THSD4: variants seen among roughly 807,000 people sequenced by gnomAD.
THSD4 encodes thrombospondin type-1 domain-containing protein 4.
THSD4 carries 69 observed loss-of-function variants against 119.0 expected under a neutral mutation model. That is an observed-to-expected ratio of 0.58 (90% CI 0.48 to 0.71). The LOEUF is 0.71. Among genes scored for constraint, THSD4 ranks in the 30% least tolerant of loss-of-function variants. THSD4 has a pLI of 0.00. For missense variants in THSD4, 1,393 were observed against 1,391.1 expected (o/e 1.00, Z -0.02); for synonymous variants, 524 against 540.4 (o/e 0.97, Z 0.42).
At chr15:71,455,959 C>T (rs994670553) in intron 7 of THSD4, among the ~76,000 whole-genome samples, 1 of 152,136 alleles carries the variant, frequency 6.6e-6, no homozygotes, top group South Asian at 2.1e-4. Flanking sequence ...TGAGCCTGTC[C>T]GAAAGTCAGG....
At chr15:71,226,043 G>T (rs892956550) in intron 4 of THSD4, among the ~76,000 whole-genome samples, 2 of 151,926 alleles carry the variant, frequency 1.3e-5, no homozygotes, top group Non-Finnish European at 2.9e-5. Flanking sequence ...TTCGTGCCTT[G>T]TAGAAACCCC....
At chr15:71,614,280 C>T (rs745864560) in intron 7 of THSD4, among the ~76,000 whole-genome samples, 4 of 152,202 alleles carry the variant, frequency 2.6e-5, no homozygotes, top group South Asian at 2.1e-4. Flanking sequence ...AGCCTGGATT[C>T]GGCCACCATT....
intron 7 of THSD4, among the ~76,000 whole-genome samples, chr15:71,533,010 A>ATG (rs2048638513): frequency 6.6e-6 from 1 of 152,198 alleles, no homozygotes; most frequent in Non-Finnish European, 1.5e-5. Flanking sequence ...TTCACTTGCC[A>ATG]TGTGTGTGCC....
chr15:71,635,180 G>A (rs1273848994), intron 7 of THSD4, among the ~76,000 whole-genome samples: 1 of 152,152 alleles, frequency 6.6e-6, no homozygotes, highest in African/African-American at 2.4e-5. Flanking sequence ...GGGAATGTAG[G>A]ACTTCATTTT....
In THSD4 at chr15:71,661,259, C is replaced by T. The variant is rs1281355972; in HGVS notation, c.1357+525C>T. On this transcript the variant is annotated intron_variant, in intron 8 of 17. Transcript: ENST00000261862. ...GGAATCCTCCAGCAATCATTTTGGG[C>T]AACATCATCAATACTGAGAGGCCAA... Among the ~76,000 whole-genome samples the T allele has an allele frequency of 2.0e-5, 3 of 152,286 alleles. No individual in the cohort carries two copies. The East Asian group carries it at 5.8e-4, about 29-fold the overall frequency.
chr15:71,565,855 G>A (rs1289593898), intron 7 of THSD4, among the ~76,000 whole-genome samples: 1 of 152,190 alleles, frequency 6.6e-6, no homozygotes, highest in Non-Finnish European at 1.5e-5. Flanking sequence ...AATCATTAAG[G>A]GTTAGAGGCT....
intron 8 of THSD4, among the ~76,000 whole-genome samples, chr15:71,677,151 A>G (rs1330095099): frequency 2.6e-5 from 4 of 152,224 alleles, no homozygotes; most frequent in African/African-American, 4.8e-5. Context: ...ATAGGCACCA[A>G]TGGTCAGCTC....
chr15:71,403,398 A>G (rs918063638), intron 6 of THSD4, among the ~76,000 whole-genome samples: 1 of 152,242 alleles, frequency 6.6e-6, no homozygotes, highest in African/African-American at 2.4e-5. Flanking sequence ...TTGTTCAGCC[A>G]TCAAAGTTAT....
chr15:71,385,372 T>C (rs2140459028), intron 6 of THSD4, among the ~76,000 whole-genome samples: 1 of 152,320 alleles, frequency 6.6e-6, no homozygotes, highest in South Asian at 2.1e-4. Flanking sequence ...CTTGTGACAC[T>C]AATCTCTTAA....
rs564625397 is a variant in THSD4 at position 71,736,600 on chromosome 15, G to T, written c.1631-1132G>T. Among the ~76,000 whole-genome samples, 20 of 145,280 alleles carry T rather than the reference G, an allele frequency of 1.4e-4. No homozygotes were observed. The East Asian group carries it at 3.8e-3, about 27-fold the overall frequency. On this transcript the variant is annotated intron_variant, in intron 10 of 17. Coordinates refer to ENST00000261862, the MANE Select transcript of THSD4 (RefSeq NM_024817.3). ...GTTTCTCTGTCTCTCTTGCTCTCTT[G>T]GTCTCTGTCTCTGTCTCTCTGTCTC...
chr15:71,562,901 G>A (rs539675918), intron 7 of THSD4, among the ~76,000 whole-genome samples: 2 of 151,858 alleles, frequency 1.3e-5, no homozygotes, highest in South Asian at 2.1e-4. Context: ...ACGGGGTTTC[G>A]CCATGTTAGC....
At chr15:71,626,534 A>G (rs966607317) in intron 7 of THSD4, among the ~76,000 whole-genome samples, 2 of 152,186 alleles carry the variant, frequency 1.3e-5, no homozygotes, top group African/African-American at 4.8e-5. Context: ...CTAAATATGC[A>G]TTGAACTTTA....
chr15:71,367,388 G>C (rs140851545), intron 6 of THSD4, among the ~76,000 whole-genome samples: 1 of 152,178 alleles, frequency 6.6e-6, no homozygotes, highest in East Asian at 1.9e-4. Context: ...GGTGTGCTGC[G>C]CACATTAACT....
rs1195413080 is a variant in THSD4 at position 71,442,579 on chromosome 15, A to AAAAAAATATATATAT, written c.1152+30757_1152+30758insAAAAATATATATATA. Among the ~76,000 whole-genome samples the AAAAAAATATATATAT allele has an allele frequency of 7.5e-4, 30 of 39,854 alleles. 1 individual carries two copies. Among genetic ancestry groups the AAAAAAATATATATAT allele is most frequent in the African/African-American group, 2.1e-3 (29 of 13,608 alleles). 26.1% of individuals were successfully genotyped at this position (39,854 alleles called of 152,430 possible). On this transcript the variant is annotated intron_variant, in intron 7 of 17. Transcript: ENST00000261862. Reference sequence around the variant, plus strand: ...GCAAAACTCCATCTCAAAAAAAAAAAATATATATATATATATATATATGTG... The same window carrying AAAAAAATATATATAT: ...GCAAAACTCCATCTCAAAAAAAAAAAAAAAAATATATATATATATATATATATATATATATATGTG...
intron 6 of THSD4, among the ~76,000 whole-genome samples, chr15:71,303,690 A>T (rs935121123): frequency 8.5e-5 from 13 of 152,100 alleles, no homozygotes; most frequent in African/African-American, 3.1e-4. Context: ...GTACCTCCTT[A>T]TAAACTGGGC....
At chr15:71,502,636 A>G (rs2048128496) in intron 7 of THSD4, among the ~76,000 whole-genome samples, 1 of 152,234 alleles carries the variant, frequency 6.6e-6, no homozygotes, top group African/African-American at 2.4e-5. Flanking sequence ...GCATTGGAAC[A>G]TAAAAGACGC....
At chr15:71,451,462 C>T (rs552726500) in intron 7 of THSD4, among the ~76,000 whole-genome samples, 6 of 152,170 alleles carry the variant, frequency 3.9e-5, no homozygotes, top group South Asian at 2.1e-4. Flanking sequence ...CGTCTTTAGG[C>T]GGATAAGGAA....
upstream of THSD4, chr15:71,113,649 G>T (rs1869872130): frequency 6.6e-6 from 1 of 152,098 alleles, no homozygotes; most frequent in South Asian, 2.1e-4. Flanking sequence ...TACTGGTATG[G>T]TTTTCTGACT....
chr15:71,490,440 G>A lies in THSD4; in HGVS notation c.1152+78617G>A, dbSNP rs374986833. On this transcript the variant is annotated intron_variant, in intron 7 of 17. Coordinates refer to ENST00000261862, the MANE Select transcript of THSD4 (RefSeq NM_024817.3). ...CCAGGCCTGGTGGCGGGTGCCTGTA[G>A]TCCCACCTACTCGGGAGGCTGAGGC... 4.6e-5 allele frequency among the ~76,000 whole-genome samples: 7 copies of A among 151,768 alleles called. No homozygotes were observed. In the East Asian group the frequency reaches 1.4e-3, roughly 29 times the overall value.
Sources: allele counts gnomAD v4.1 joint callset (sites outside exome capture counted in the v4.1 genomes callset), GRCh38; gene constraint gnomAD v4.1.1; transcripts MANE v1.5; gene names NCBI Gene and HGNC (gene_info 2026-07-23, HGNC 2026-07-21).